Variants in ZDHHC11 observed in about 807,000 individuals in gnomAD.
The protein encoded by ZDHHC11 is zDHHC palmitoyltransferase 11.
ZDHHC11 carries 44 observed loss-of-function variants against 51.3 expected under a neutral mutation model. The observed-to-expected ratio is 0.86, with a 90% CI of 0.67 to 1.10. The LOEUF (loss-of-function observed/expected upper bound fraction) is 1.10, where lower values mean the gene tolerates loss of function less well. Ranked by LOEUF, ZDHHC11 falls within the 50% of genes least tolerant of loss-of-function variation. The pLI is 0.00. For missense variants in ZDHHC11, 400 were observed against 537.7 expected (o/e 0.74, Z 2.53); for synonymous variants, 163 against 222.0 (o/e 0.73, Z 2.36).
Position 828,266 on chromosome 5 carries a change from G to A in ZDHHC11, c.936-3015C>T, listed in dbSNP as rs1317764566. Among the ~76,000 whole-genome samples the A allele has an allele frequency of 4.0e-5, 6 of 151,372 alleles. No homozygotes were observed. In the South Asian group the frequency reaches 8.3e-4, roughly 21 times the overall value. On this transcript the variant is annotated intron_variant, in intron 7 of 12. Coordinates refer to ENST00000283441, the MANE Select transcript of ZDHHC11 (RefSeq NM_024786.3). Reference sequence around the variant, plus strand: ...GAGCTGTTGGGTACACCTTCCAGACGGGGTGGTGGCCGGGCAGAGGGGCTC... The same window carrying A: ...GAGCTGTTGGGTACACCTTCCAGACAGGGTGGTGGCCGGGCAGAGGGGCTC...
intron 3 of ZDHHC11, among the ~76,000 whole-genome samples, chr5:845,549 C>G (rs1297173171): frequency 0.015 from 2,031 of 137,706 alleles, no homozygotes; most frequent in African/African-American, 0.02. Context: ...AGGACACCAG[C>G]GCCGCCTGCC....
chr5:835,766 C>T (rs1477810809), intron 6 of ZDHHC11, among the ~76,000 whole-genome samples: 1 of 151,752 alleles, frequency 6.6e-6, no homozygotes, highest in Middle Eastern at 3.2e-3. Context: ...GCGTCTCTGA[C>T]TTCTCTCAGT....
chr5:798,788 A>ATTTT (rs1491487076), intron 12 of ZDHHC11, among the ~76,000 whole-genome samples: 3 of 137,288 alleles, frequency 2.2e-5, no homozygotes, highest in South Asian at 2.4e-4. Flanking sequence ...TTAGTGGTGA[A>ATTTT]TATTTTTTTT....
rs781371194 is a variant in ZDHHC11, at chr5:819,618, G to A, written c.1059-6C>T. 1.2e-6 allele frequency: 2 copies of A among 1,608,508 alleles called. No homozygotes were observed. The highest frequency in any genetic ancestry group is 1.7e-6 in the Non-Finnish European group (2 of 1,175,784). The stretch of plus-strand genomic sequence containing the variant: ...GGGAGTTCCTGGCCTTGGCTCTGGT[G>A]GGGCAAACAGAAGGAAAGAAACACA... On this transcript the variant is annotated splice_polypyrimidine_tract_variant and splice_region_variant and intron_variant, in intron 9 of 12. Transcript: ENST00000283441.
chr5:817,062 C>A, intron 10 of ZDHHC11: 1 of 184,680 alleles, frequency 5.4e-6, no homozygotes. Flanking sequence ...ATAAAAATAA[C>A]TTAAAATGGG....
intron 12 of ZDHHC11, among the ~76,000 whole-genome samples, chr5:796,899 C>G (rs1185361786): frequency 3.9e-5 from 6 of 152,306 alleles, no homozygotes; most frequent in African/African-American, 1.4e-4. Flanking sequence ...TCTTTTATCA[C>G]TAGATATTTT....
intron 8 of ZDHHC11, chr5:824,218 A>G: frequency 2.8e-6 from 1 of 363,124 alleles, no homozygotes; most frequent in Non-Finnish European, 5.6e-6. Context: ...CTGTGCTATT[A>G]GAGGCTGAGG....
intron 8 of ZDHHC11, among the ~76,000 whole-genome samples, chr5:824,580 AG>A (rs1742031797): frequency 6.6e-6 from 1 of 151,562 alleles, no homozygotes; most frequent in African/African-American, 2.4e-5. Context: ...ATGGACACAG[AG>A]TCCATGTAAC....
At chr5:854,920 T>A (rs756906257), upstream of ZDHHC11, among the ~76,000 whole-genome samples, 20 of 114,834 alleles carry the variant, frequency 1.7e-4, no homozygotes, top group Non-Finnish European at 2.9e-4. Context: ...CAGAGGACAG[T>A]GAGCAGTGGG....
chr5:840,206 T>G, intron 5 of ZDHHC11: 1 of 694,272 alleles, frequency 1.4e-6, no homozygotes, highest in South Asian at 1.5e-5. Flanking sequence ...TTTAAACTTG[T>G]TACTTCAAGC....
At position 840,610 on chromosome 5, in the gene ZDHHC11, C is replaced by G. The variant is rs762584502; in HGVS notation, c.669G>C (p.Leu223=). The G allele has an allele frequency of 3.1e-6, 5 of 1,613,774 alleles. No homozygotes were observed. In the Admixed American group the frequency reaches 8.3e-5, roughly 27 times the overall value. ...TCAGGGTCTGCACCTGCACCGGGAA[C>G]AGGGGGAGGAACAGCAGCCACGTGT... ...NMNTWLLFLP[L]FPVQVQTLIV... The change falls in exon 5 of 13, where the codon CTG becomes CTC. Residue 223 remains leucine, a synonymous_variant. Coordinates refer to ENST00000283441, the MANE Select transcript of ZDHHC11 (RefSeq NM_024786.3).
chr5:808,855 G>A (rs1158829686), intron 11 of ZDHHC11, among the ~76,000 whole-genome samples: 5 of 146,592 alleles, frequency 3.4e-5, no homozygotes, highest in East Asian at 2.0e-4. Context: ...CTGCCACTAC[G>A]CCTGGCTAAT....
rs57727388 is a variant in ZDHHC11 at position 850,887 on chromosome 5, A to AGGCCTCCG, written c.-286_-285insCGGAGGCC. On this transcript the variant is annotated 5_prime_UTR_variant, in exon 1 of 13. It introduces an in-frame stop codon into an upstream open reading frame of the 5' UTR. Transcript: ENST00000283441. ...CGGCTCTCCAGGGTGTGGAGGACCC[A>AGGCCTCCG]GTGCCCGCGCGACCGCCCATCAGTT... The AGGCCTCCG allele has an allele frequency of 9.2e-6, 5 of 544,520 alleles. No homozygotes were observed. Among genetic ancestry groups the AGGCCTCCG allele is most frequent in the Non-Finnish European group, 6.5e-6 (2 of 306,636 alleles). 33.7% of individuals were successfully genotyped at this position (544,520 alleles called of 1,614,324 possible).
At chr5:816,449 T>G in intron 10 of ZDHHC11, 1 of 468,278 alleles carries the variant, frequency 2.1e-6, no homozygotes, top group Non-Finnish European at 4.3e-6. Flanking sequence ...TAGCGGCATG[T>G]GGATAAGTCG....
chr5:810,537 C>T (rs191793439), intron 11 of ZDHHC11, among the ~76,000 whole-genome samples: 4 of 151,046 alleles, frequency 2.6e-5, no homozygotes, highest in South Asian at 2.1e-4. Context: ...GGACTTTCCC[C>T]GTGTGGCAAA....
intron 11 of ZDHHC11, among the ~76,000 whole-genome samples, chr5:810,332 C>T (rs1404315641): frequency 1.1e-4 from 17 of 149,716 alleles, no homozygotes; most frequent in African/African-American, 3.9e-4. Context: ...ATCCTGCTCC[C>T]TGTTCCCACT....
intron 12 of ZDHHC11, among the ~76,000 whole-genome samples, chr5:798,876 A>T (rs1737997222): frequency 6.6e-6 from 1 of 152,214 alleles, no homozygotes; most frequent in African/African-American, 2.4e-5. Context: ...TCATTCAAAA[A>T]TAATGCAAAT....
chr5:819,477 C>T, intron 10 of ZDHHC11, 48 bp downstream of exon 10: 1 of 1,583,128 alleles, frequency 6.3e-7, no homozygotes, highest in Non-Finnish European at 8.7e-7. Flanking sequence ...ACCACACATT[C>T]TGCACATGGC....
intron 3 of ZDHHC11, among the ~76,000 whole-genome samples, chr5:844,815 C>T (rs1285913652): frequency 1.3e-5 from 2 of 152,422 alleles, no homozygotes; most frequent in Admixed American, 6.5e-5. Flanking sequence ...AGACCAAATC[C>T]ACTCCCAGTC....
Sources: allele counts gnomAD v4.1 joint callset (sites outside exome capture counted in the v4.1 genomes callset), GRCh38; gene constraint gnomAD v4.1.1; transcripts MANE v1.5; gene names NCBI Gene and HGNC (gene_info 2026-07-23, HGNC 2026-07-21).